Variants in CELSR3 observed in about 807,000 individuals in gnomAD.
The protein encoded by CELSR3 is cadherin EGF LAG seven-pass G-type receptor 3.
A neutral mutation model predicts 270.0 loss-of-function variants in CELSR3; 73 were observed. The observed-to-expected ratio is 0.27, with a 90% CI of 0.22 to 0.33. The LOEUF is 0.33. Ranked by LOEUF, CELSR3 falls within the 10% of genes least tolerant of loss-of-function variation. CELSR3 has a pLI of 1.00. For missense variants in CELSR3, 3,614 were observed against 4,533.8 expected, an observed-to-expected ratio of 0.80 and a Z score of 5.83; for synonymous variants, 1,780 against 1,905.4, an observed-to-expected ratio of 0.93 and a Z score of 1.71.
chr3:48,657,429 G>A lies in CELSR3; in HGVS notation c.3749-81C>T. On this transcript the variant is annotated intron_variant, in intron 1 of 34. Transcript: ENST00000164024. The surrounding 1 kb of genome is among the most constrained non-coding windows in gnomAD (Gnocchi z 5.4). ...GGGACACAAGAGGGCTGGGGCCAGC[G>A]ATAGCCTAGGCCCCCAGAACCTCTA... 5.0e-6 allele frequency: 7 copies of A among 1,396,666 alleles called. No homozygotes were observed. Among genetic ancestry groups the A allele is most frequent in the East Asian group, 5.0e-5 (2 of 40,026 alleles). The allele number at this position is 1,396,666 out of a possible 1,614,324, so 86.5% of individuals were successfully genotyped here.
At position 48,648,038 on chromosome 3, in the gene CELSR3, T is replaced by TC. The variant is rs564412847; in HGVS notation, c.6974-43dup. On this transcript the variant is annotated intron_variant, in intron 19 of 34. Transcript: ENST00000164024. The stretch of plus-strand genomic sequence containing the variant: ...AAGGGGAGGCCCATCATGGACCTCT[T>TC]CCCCCTGCCAAGGGTTCTACTCCCT... The TC allele has an allele frequency of 8.1e-5, 130 of 1,604,452 alleles. 1 individual carries two copies. In the South Asian group the frequency reaches 9.9e-4, roughly 12 times the overall value.
chr3:48,650,463 TCC>T lies in CELSR3; in HGVS notation c.6472+15_6472+16del. ...CACCCCCACCCTCAGTGATGTCCTT[TCC>T]CCCCACATACTCACCCAGGGCCCCC... On this transcript the variant is annotated intron_variant, in intron 16 of 34. Transcript: ENST00000164024. The surrounding 1 kb of genome is among the most constrained non-coding windows in gnomAD (Gnocchi z 5.1). 9.9e-7 allele frequency: 1 copy of T among 1,011,540 alleles called. No individual in the cohort carries two copies. The highest frequency in any genetic ancestry group is 1.4e-6 in the Non-Finnish European group (1 of 692,600). The allele number at this position is 1,011,540 out of a possible 1,614,324, so 62.7% of individuals were successfully genotyped here.
rs548961975 is a variant in CELSR3, at chr3:48,651,286, G to A, written c.6186+73C>T. On this transcript the variant is annotated intron_variant, in intron 14 of 34. Transcript: ENST00000164024. This position sits in a 1 kb window ranked among gnomAD's most constrained non-coding sequence, Gnocchi z 7.4. Reference sequence around the variant, plus strand: ...GAGGTTAGGGCCCAAGTCAGGTGGCGGAGGTCAGCAAGCTGGACAGGAATT... The same window carrying A: ...GAGGTTAGGGCCCAAGTCAGGTGGCAGAGGTCAGCAAGCTGGACAGGAATT... 1.4e-5 allele frequency: 22 copies of A among 1,592,292 alleles called. No individual in the cohort carries two copies. The highest frequency in any genetic ancestry group is 1.3e-4 in the East Asian group (6 of 44,638).
chr3:48,648,802 G>A lies in CELSR3; in HGVS notation c.6694C>T (p.Arg2232Cys), dbSNP rs747131333. 7.4e-6 allele frequency: 12 copies of A among 1,612,836 alleles called. No individual in the cohort carries two copies. The highest frequency in any genetic ancestry group is 2.2e-5 in the East Asian group (1 of 44,904). Residue 2232 changes from arginine to cysteine, a missense_variant, in exon 18 of 35, where the codon CGC (arginine) becomes TGC (cysteine). Transcript: ENST00000164024. Reference sequence around the variant, plus strand: ...AAGGCCAGCAGGTGGGCCAGCAGGCGGGCAGTGACTCGAACATCTTGGCTA... The same window carrying A: ...AAGGCCAGCAGGTGGGCCAGCAGGCAGGCAGTGACTCGAACATCTTGGCTA... The part of the protein sequence containing the change: ...YFSQDVRVTA[R>C]LLAHLLAFES...
intron 16 of CELSR3, among the ~76,000 whole-genome samples, 195 bp from the exon 17 acceptor site, chr3:48,649,410 G>A (rs1355764781): frequency 6.6e-6 from 1 of 152,230 alleles, no homozygotes; most frequent in African/African-American, 2.4e-5. Context: ...TCCTGAGAGG[G>A]CTGTAGACCA....
Position 48,643,589 on chromosome 3 carries a change from A to G in CELSR3, c.8254T>C (p.Phe2752Leu), listed in dbSNP as rs1215911841. 5.2e-6 allele frequency: 8 copies of G among 1,550,928 alleles called. No homozygotes were observed. Among genetic ancestry groups the G allele is most frequent in the South Asian group, 1.2e-5 (1 of 84,058 alleles). The change falls in exon 28 of 35, where the codon TTC becomes CTC. Residue 2752 changes from phenylalanine (F) to leucine (L), a missense_variant. Transcript: ENST00000164024. ...CAGAGTCCAGCATGGAGGTAGTGGAAGGCTAGGATGCTGTGGTTGACTGCC... is the reference window on the plus strand; with the variant it reads ...CAGAGTCCAGCATGGAGGTAGTGGAGGGCTAGGATGCTGTGGTTGACTGCC... ...LLAVNHSILA[F>L]HYLHAGLCGL... is the part of the protein sequence containing the mutation.
In CELSR3 at chr3:48,661,899, C is replaced by A. The variant is rs139099179; in HGVS notation, c.736G>T (p.Asp246Tyr). The A allele has an allele frequency of 4.1e-5, 66 of 1,611,982 alleles. No individual in the cohort carries two copies. The African/African-American group carries it at 8.5e-4, about 21-fold the overall frequency. Reference sequence around the variant, plus strand: ...GTCCTCGCCGTGCGTGGTGCTGAATCCAGCTCGGGGCCAGATCCCGAGGCC... The same window carrying A: ...GTCCTCGCCGTGCGTGGTGCTGAATACAGCTCGGGGCCAGATCCCGAGGCC... ...PGASGSGPEL[D>Y]SAPRTARTAP... The change falls in exon 1 of 35, where the codon GAT (aspartate) becomes TAT (tyrosine). Residue 246 changes from aspartate (D) to tyrosine (Y), a missense_variant. By Grantham distance (160) the Asp-to-Tyr change is radical. Transcript: ENST00000164024.
chr3:48,652,045 C>T lies in CELSR3; in HGVS notation c.5755G>A (p.Val1919Met). 1 of 1,543,950 alleles carries T rather than the reference C, an allele frequency of 6.5e-7. No individual in the cohort carries two copies. The highest frequency in any genetic ancestry group is 1.3e-5 in the South Asian group (1 of 79,732). ...CCAGAGGGTGTGGAGCCGAGCCACACCCCCTGTGGACACACAGCCAGCAAG... is the reference window on the plus strand; with the variant it reads ...CCAGAGGGTGTGGAGCCGAGCCACATCCCCTGTGGACACACAGCCAGCAAG... ...PQGLVGCIQGVWLGSTPSGSP... is the reference protein window; with the variant it reads ...PQGLVGCIQGMWLGSTPSGSP... The change falls in exon 12 of 35, where the codon GTG becomes ATG. Residue 1919 changes from valine (V) to methionine (M), a missense_variant. Val to Met is a conservative substitution (Grantham distance 21, BLOSUM62 1). Transcript: ENST00000164024. The surrounding 1 kb of genome is among the most constrained non-coding windows in gnomAD (Gnocchi z 4.3).
In CELSR3 at chr3:48,650,547, A is replaced by G. The variant is rs901252485; in HGVS notation, c.6405T>C (p.Ser2135=). Residue 2135 remains serine (S), a synonymous_variant, in exon 16 of 35, where the codon TCT becomes TCC. Coordinates refer to ENST00000164024, the MANE Select transcript of CELSR3 (RefSeq NM_001407.3). The surrounding 1 kb of genome is among the most constrained non-coding windows in gnomAD (Gnocchi z 5.1). ...ACTTTGTCTGGGGCCACCACACACCAGATCTCAGGGACTTAGGGCAGGCAT... is the reference window on the plus strand; with the variant it reads ...ACTTTGTCTGGGGCCACCACACACCGGATCTCAGGGACTTAGGGCAGGCAT... ...LYDACPKSLR[S]GVWWPQTKFG... 6.3e-7 allele frequency: 1 copy of G among 1,597,728 alleles called. No individual in the cohort carries two copies.
Position 48,652,458 on chromosome 3 carries a change from C to T in CELSR3, c.5730G>A (p.Gln1910=). 1 of 1,613,848 alleles carries T rather than the reference C, an allele frequency of 6.2e-7. No individual in the cohort carries two copies. Among genetic ancestry groups the T allele is most frequent in the South Asian group, 1.1e-5 (1 of 91,076 alleles). The change falls in exon 11 of 35, where the codon CAG becomes CAA. Residue 1910 remains glutamine (Q), a synonymous_variant. Transcript: ENST00000164024. The surrounding 1 kb of genome is among the most constrained non-coding windows in gnomAD (Gnocchi z 4.3). ...LPPGSAEEAP[Q]GLVGCIQGVW... ...CCACCTGGATGCAGCCAACCAGACC[C>T]TGAGGAGCCTCCTCTGCACTGCCGG...
chr3:48,650,321 C>T lies in CELSR3; in HGVS notation c.6472+159G>A. 1 of 712,344 alleles carries T rather than the reference C, an allele frequency of 1.4e-6. No homozygotes were observed. Among genetic ancestry groups the T allele is most frequent in the Non-Finnish European group, 2.5e-6 (1 of 392,326 alleles). The allele number at this position is 712,344 out of a possible 1,614,324, so 44.1% of individuals were successfully genotyped here. ...AGAAGCCAAGAGAAACAGATGGAGG[C>T]TCAATGAGGGTGTAGGGAGGGGCCC... On this transcript the variant is annotated intron_variant, in intron 16 of 34. Transcript: ENST00000164024. This position sits in a 1 kb window ranked among gnomAD's most constrained non-coding sequence, Gnocchi z 5.1.
Position 48,653,412 on chromosome 3 carries a change from TAAGA to T in CELSR3, c.5448+203_5448+206del, listed in dbSNP as rs2047154557. 1.3e-5 allele frequency among the ~76,000 whole-genome samples: 2 copies of T among 152,158 alleles called. No homozygotes were observed. Among genetic ancestry groups the T allele is most frequent in the East Asian group, 3.9e-4 (2 of 5,188 alleles). On this transcript the variant is annotated intron_variant, in intron 9 of 34. Transcript: ENST00000164024. This position sits in a 1 kb window ranked among gnomAD's most constrained non-coding sequence, Gnocchi z 6.5. ...TGTGGGTGGGTTGGTGCAGCTTGCA[TAAGA>T]GAGAGCTATGCTGGAGCCCTGCACC...
chr3:48,637,984 A>G lies in CELSR3; in HGVS notation c.*221T>C, dbSNP rs1269314374. The G allele has an allele frequency of 1.9e-6, 1 of 518,252 alleles. No homozygotes were observed. Among genetic ancestry groups the G allele is most frequent in the South Asian group, 3.0e-5 (1 of 33,570 alleles). 32.1% of individuals were successfully genotyped at this position (518,252 alleles called of 1,614,324 possible). ...CATCTCTCTGGTTACAAAGGTACAA[A>G]ACGTATAAAAGTCTCCCTCCAGTCC... On this transcript the variant is annotated 3_prime_UTR_variant, in exon 35 of 35. Coordinates refer to ENST00000164024, the MANE Select transcript of CELSR3 (RefSeq NM_001407.3).
chr3:48,645,467 C>T lies in CELSR3; in HGVS notation c.7773G>A (p.Leu2591=), dbSNP rs748761783. ...CCTGATTGTGGGTCCTGTGAATCCC[C>T]AGCAGGAAGAGGAGCTCTGCCACCC... ...ALGVAELLFL[L]GIHRTHNQLV... is the part of the protein sequence containing the mutation. The change falls in exon 24 of 35, where the codon CTG becomes CTA. Residue 2591 remains leucine (L), a synonymous_variant. Coordinates refer to ENST00000164024, the MANE Select transcript of CELSR3 (RefSeq NM_001407.3). The surrounding 1 kb of genome is among the most constrained non-coding windows in gnomAD (Gnocchi z 5.4). 1.9e-6 allele frequency: 3 copies of T among 1,612,746 alleles called. No homozygotes were observed. In the African/African-American group the frequency reaches 4.0e-5, roughly 22 times the overall value.
Position 48,658,528 on chromosome 3 carries a change from T to C in CELSR3, c.3748+359A>G, listed in dbSNP as rs1014026814. Among the ~76,000 whole-genome samples, 1 of 152,224 alleles carries C rather than the reference T, an allele frequency of 6.6e-6. No individual in the cohort carries two copies. The highest frequency in any genetic ancestry group is 2.4e-5 in the African/African-American group (1 of 41,448). On this transcript the variant is annotated intron_variant, in intron 1 of 34. Transcript: ENST00000164024. This position sits in a 1 kb window ranked among gnomAD's most constrained non-coding sequence, Gnocchi z 4.7. ...CCCAAAGTAACCCTTCGTCTGAACA[T>C]GGGCATAGTGTGGACTGACTGGCCC...
Position 48,650,491 on chromosome 3 carries a change from C to T in CELSR3, c.6461G>A (p.Arg2154Gln), listed in dbSNP as rs1291545233. 1.6e-5 allele frequency: 26 copies of T among 1,608,448 alleles called. No homozygotes were observed. The East Asian group carries it at 4.0e-4, about 25-fold the overall frequency. ...FGVLATVPCP[R>Q]GALGAAVRLC... is the part of the protein sequence containing the mutation. Reference sequence around the variant, plus strand: ...CCCCACATACTCACCCAGGGCCCCCCGGGGACAGGGCACTGTGGCCAGGAC... The same window carrying T: ...CCCCACATACTCACCCAGGGCCCCCTGGGGACAGGGCACTGTGGCCAGGAC... Residue 2154 changes from arginine to glutamine, a missense_variant, in exon 16 of 35, where the codon CGG becomes CAG. Coordinates refer to ENST00000164024, the MANE Select transcript of CELSR3 (RefSeq NM_001407.3). The surrounding 1 kb of genome is among the most constrained non-coding windows in gnomAD (Gnocchi z 5.1).
At position 48,652,295 on chromosome 3, in the gene CELSR3, G is replaced by T; in HGVS notation, c.5751+142C>A. 1 of 770,824 alleles carries T rather than the reference G, an allele frequency of 1.3e-6. No homozygotes were observed. Among genetic ancestry groups the T allele is most frequent in the South Asian group, 1.7e-5 (1 of 60,106 alleles). 47.7% of individuals were successfully genotyped at this position (770,824 alleles called of 1,614,324 possible). ...CTCCCACCTCCAATGCCACAGAAAG[G>T]CTTGACCTAGCTCTCAACTCTGGGT... On this transcript the variant is annotated intron_variant, in intron 11 of 34. Coordinates refer to ENST00000164024, the MANE Select transcript of CELSR3 (RefSeq NM_001407.3). The surrounding 1 kb of genome is among the most constrained non-coding windows in gnomAD (Gnocchi z 4.3).
Position 48,656,203 on chromosome 3 carries a change from G to T in CELSR3, c.4562C>A (p.Pro1521Gln). 6.5e-7 allele frequency: 1 copy of T among 1,537,520 alleles called. No individual in the cohort carries two copies. The highest frequency in any genetic ancestry group is 8.7e-7 in the Non-Finnish European group (1 of 1,147,828). ...GCGAAACATGACGAACGAACTGGGC[G>T]GGAAGGAGCGCGCAGCCACCTCGCA... ...PRCEVAARSF[P>Q]PSSFVMFRGL... Residue 1521 changes from proline to glutamine, a missense_variant, in exon 3 of 35, where the codon CCG becomes CAG. Transcript: ENST00000164024.
At position 48,660,862 on chromosome 3, in the gene CELSR3, T is replaced by G. The variant is rs113140335; in HGVS notation, c.1773A>C (p.Gly591=). Residue 591 remains glycine, a synonymous_variant, in exon 1 of 35, where the codon GGA becomes GGC. Transcript: ENST00000164024. This position sits in a 1 kb window ranked among gnomAD's most constrained non-coding sequence, Gnocchi z 5.5. ...CAGTGAGGCTGTCGATGGCAAAGTGTCCACGGCTATTGCCACTGATGATGT... is the reference window on the plus strand; with the variant it reads ...CAGTGAGGCTGTCGATGGCAAAGTGGCCACGGCTATTGCCACTGATGATGT... ...HYNIISGNSR[G]HFAIDSLTGE... is the part of the protein sequence containing the mutation. 1.7e-5 allele frequency: 27 copies of G among 1,614,016 alleles called. No individual in the cohort carries two copies. In the African/African-American group the frequency reaches 2.1e-4, roughly 13 times the overall value.
Sources: gnomAD v4.1 joint callset for allele counts (sites outside exome capture counted in the v4.1 genomes callset) on GRCh38, gnomAD v4.1.1 for gene constraint, Gnocchi (gnomAD v3.1) non-coding constraint, MANE v1.5 for transcripts, NCBI Gene and HGNC (gene_info 2026-07-23, HGNC 2026-07-21) for gene names.